CNGB1: variants seen among roughly 807,000 people sequenced by gnomAD.
The protein encoded by CNGB1 is cyclic nucleotide-gated channel beta-1.
Under a neutral mutation model 151.7 loss-of-function variants are expected in CNGB1, and 126 were observed. That is an observed-to-expected ratio of 0.83 (90% CI 0.72 to 0.96). The LOEUF (loss-of-function observed/expected upper bound fraction) is 0.96. Ranked by LOEUF, CNGB1 falls within the 40% of genes least tolerant of loss-of-function variation. The pLI, the probability that CNGB1 is intolerant of heterozygous loss-of-function variation, is 0.00. For synonymous variants in CNGB1, 623 were observed against 635.1 expected (o/e 0.98, Z 0.29); for missense variants, 1,698 against 1,627.0 (o/e 1.04, Z -0.75).
chr16:57,935,202 C>T (rs531761213), intron 16 of CNGB1, among the ~76,000 whole-genome samples: 14 of 152,206 alleles, frequency 9.2e-5, no homozygotes, highest in Admixed American at 3.3e-4. Flanking sequence ...CAGGCCCATC[C>T]GTCTCATTAG....
At chr16:57,884,566 G>T in intron 32 of CNGB1, 109 bp from the exon 33 acceptor site, 3 of 1,213,448 alleles carry the variant, frequency 2.5e-6, no homozygotes, top group Non-Finnish European at 3.6e-6. Context: ...AGAGGGCAGC[G>T]GAACACACAG....
At chr16:57,903,118 G>C (rs1014036360) in intron 27 of CNGB1, among the ~76,000 whole-genome samples, 4 of 151,460 alleles carry the variant, frequency 2.6e-5, no homozygotes, top group Admixed American at 6.6e-5. Context: ...AGCGAGGAGA[G>C]AGGAGAGAGA....
At chr16:57,905,415 G>T (rs1960521864) in intron 25 of CNGB1, among the ~76,000 whole-genome samples, 1 of 152,198 alleles carries the variant, frequency 6.6e-6, no homozygotes, top group African/African-American at 2.4e-5. Flanking sequence ...TCACTAGTTG[G>T]TAAGTACAAG....
At chr16:57,899,573 G>A (rs1960329840) in intron 29 of CNGB1, among the ~76,000 whole-genome samples, 1 of 152,218 alleles carries the variant, frequency 6.6e-6, no homozygotes, top group South Asian at 2.1e-4. Flanking sequence ...CCAGGAGGCG[G>A]AGGTTGCAGT....
In CNGB1 at chr16:57,955,448, G is replaced by C. The variant is rs368174468; in HGVS notation, c.874+1893C>G. On this transcript the variant is annotated intron_variant, in intron 12 of 32. Coordinates refer to ENST00000251102, the MANE Select transcript of CNGB1 (RefSeq NM_001297.5). ...AGTGAGTGAGTGAGTGAGTGGATGA[G>C]TGAATGAATGGGGAAGGTAAGGGAC... The C allele has an allele frequency of 3.5e-5, 42 of 1,195,630 alleles. No homozygotes were observed. The African/African-American group carries it at 4.4e-4, about 12-fold the overall frequency. The allele number at this position is 1,195,630 out of a possible 1,614,324, so 74.1% of individuals were successfully genotyped here. A position where few individuals can be genotyped will look rare whatever the true frequency, so the allele number is the denominator to read the frequency against.
intron 32 of CNGB1, among the ~76,000 whole-genome samples, chr16:57,884,837 C>G (rs1299038545): frequency 6.6e-6 from 1 of 152,084 alleles, no homozygotes; most frequent in African/African-American, 2.4e-5. Context: ...GCTGAACCAA[C>G]CATCTGTTAC....
At chr16:57,887,776 C>T (rs1315617083) in intron 32 of CNGB1, 79 bp downstream of exon 32, 1 of 1,351,218 alleles carries the variant, frequency 7.4e-7, no homozygotes, top group African/African-American at 1.4e-5. Context: ...AAATGTGTGG[C>T]CCACTCTTGG....
intron 31 of CNGB1, among the ~76,000 whole-genome samples, chr16:57,894,802 T>C (rs1473169631): frequency 6.6e-6 from 1 of 152,148 alleles, no homozygotes; most frequent in Non-Finnish European, 1.5e-5. Flanking sequence ...GTTAATGTTC[T>C]ACATACTGAA....
intron 31 of CNGB1, among the ~76,000 whole-genome samples, chr16:57,888,602 G>C (rs1011336988): frequency 6.6e-6 from 1 of 152,134 alleles, no homozygotes; most frequent in Non-Finnish European, 1.5e-5. Flanking sequence ...TGGAACTACA[G>C]GTATGCACCA....
At chr16:57,919,952 G>C (rs999095261) in intron 19 of CNGB1, among the ~76,000 whole-genome samples, 1 of 152,142 alleles carries the variant, frequency 6.6e-6, no homozygotes, top group African/African-American at 2.4e-5. Context: ...ATTTCCTCCT[G>C]ATACCTTGAA....
intron 29 of CNGB1, among the ~76,000 whole-genome samples, chr16:57,898,406 C>T (rs1960293029): frequency 1.3e-5 from 2 of 151,558 alleles, no homozygotes; most frequent in Admixed American, 1.3e-4. Context: ...GAGATGGAGT[C>T]TCGCTCTGTC....
intron 12 of CNGB1, among the ~76,000 whole-genome samples, chr16:57,953,585 T>A (rs974363930): frequency 7.3e-5 from 11 of 151,472 alleles, no homozygotes; most frequent in South Asian, 2.1e-4. Context: ...GGCACATGAA[T>A]TCTAGGCTAA....
chr16:57,915,357 A>G (rs1232129078), intron 22 of CNGB1, 22 bp from the exon 23 acceptor site: 2 of 1,578,078 alleles, frequency 1.3e-6, no homozygotes, highest in African/African-American at 2.7e-5. Flanking sequence ...GTGGGACACC[A>G]TGGGGGTAAA....
chr16:57,959,101 C>T (rs1213907045), intron 10 of CNGB1, among the ~76,000 whole-genome samples: 1 of 152,030 alleles, frequency 6.6e-6, no homozygotes, highest in Admixed American at 6.6e-5. Context: ...AACTCCATTT[C>T]CACTTATTTA....
rs192628905 is a variant in CNGB1 at position 57,960,015 on chromosome 16, T to A, written c.634A>T (p.Thr212Ser). The A allele has an allele frequency of 1.1e-3, 1,743 of 1,575,870 alleles. 15 individuals are homozygous for A. In the African/African-American group the frequency reaches 0.015, roughly 14 times the overall value. ...EMGPKLQARE[T>S]PSLPTPIPLQ... is the part of the protein sequence containing the mutation. ...GGGATGGGTGTGGGCAGGGAGGGGG[T>A]CTCCCGGGCCTGCAGCTTGGGCCCC... The change falls in exon 10 of 33, where the codon ACC becomes TCC. Residue 212 changes from threonine to serine, a missense_variant. Thr to Ser is a moderately conservative substitution (Grantham distance 58). Transcript: ENST00000251102.
rs1200672078 is a variant in CNGB1, at chr16:57,964,118, G to T, written c.290+12C>A. On this transcript the variant is annotated intron_variant, in intron 4 of 32. Transcript: ENST00000251102. ...GGGCTGGCCCTGAAGAGAGGGGAGG[G>T]TGGTGCAGTACCTATTCATTTCAGA... 1 of 1,613,456 alleles carries T rather than the reference G, an allele frequency of 6.2e-7. No individual in the cohort carries two copies. The highest frequency in any genetic ancestry group is 2.2e-5 in the East Asian group (1 of 44,882).
chr16:57,934,218 G>A (rs757132131), intron 16 of CNGB1, among the ~76,000 whole-genome samples: 1 of 152,112 alleles, frequency 6.6e-6, no homozygotes, highest in Non-Finnish European at 1.5e-5. Context: ...ACTTTGGAAG[G>A]CTGAGGTGGA....
rs1373865260 is a variant in CNGB1 at position 57,953,386 on chromosome 16, T to C, written c.875-2846A>G. On this transcript the variant is annotated intron_variant, in intron 12 of 32. Transcript: ENST00000251102. Reference sequence around the variant, plus strand: ...GGTGCACACTTGTAGTCCTAGCTACTAGGGAGGCTGAGGCAGGAGAATTGC... The same window carrying C: ...GGTGCACACTTGTAGTCCTAGCTACCAGGGAGGCTGAGGCAGGAGAATTGC... Among the ~76,000 whole-genome samples the C allele has an allele frequency of 2.0e-5, 3 of 150,302 alleles. No homozygotes were observed. In the South Asian group the frequency reaches 6.3e-4, roughly 31 times the overall value.
chr16:57,944,738 T>C (rs1961759006), intron 14 of CNGB1, among the ~76,000 whole-genome samples: 1 of 151,816 alleles, frequency 6.6e-6, no homozygotes, highest in East Asian at 1.9e-4. Context: ...GCGGATCACT[T>C]GAGGTCAGAA....
Sources: gnomAD v4.1 joint callset for allele counts (sites outside exome capture counted in the v4.1 genomes callset) on GRCh38, gnomAD v4.1.1 for gene constraint, MANE v1.5 for transcripts, NCBI Gene and HGNC (gene_info 2026-07-23, HGNC 2026-07-21) for gene names.